NKAIN1: variants seen among roughly 807,000 people sequenced by gnomAD.
NKAIN1 encodes sodium/potassium transporting ATPase interacting 1.
Under a neutral mutation model 31.6 loss-of-function variants are expected in NKAIN1, and 13 were observed. The ratio of observed to expected loss-of-function variants is 0.41; its 90% CI spans 0.27 to 0.65. NKAIN1 has a LOEUF of 0.65. Among genes scored for constraint, NKAIN1 ranks in the 30% least tolerant of loss-of-function variants. The probability of loss-of-function intolerance (pLI) is 0.30; values close to 1 mark genes in which losing one functional copy is unlikely to be tolerated. For synonymous variants in NKAIN1, 104 were observed against 109.0 expected (o/e 0.95, Z 0.28); for missense variants, 193 against 262.2 (o/e 0.74, Z 1.82).
chr1:31,203,992 TGA>T (rs904697005), intron 1 of NKAIN1, among the ~76,000 whole-genome samples: 19 of 152,130 alleles, frequency 1.2e-4, no homozygotes, highest in African/African-American at 4.3e-4. Flanking sequence ...GACCCTGAGC[TGA>T]GGATGACCAA....
chr1:31,239,366 A>T lies in NKAIN1; in HGVS notation c.54+128T>A. ...CCGCCCGACCGCTCCGAGACTCCAGACCACCCCCCGCCCGGGCACACGCAC... is the reference window on the plus strand; with the variant it reads ...CCGCCCGACCGCTCCGAGACTCCAGTCCACCCCCCGCCCGGGCACACGCAC... On this transcript the variant is annotated intron_variant, in intron 1 of 6. Coordinates refer to ENST00000373736, the MANE Select transcript of NKAIN1 (RefSeq NM_024522.3). This position sits in a 1 kb window ranked among gnomAD's most constrained non-coding sequence, Gnocchi z 4.8. 4.9e-6 allele frequency: 3 copies of T among 609,722 alleles called. No individual in the cohort carries two copies. Among genetic ancestry groups the T allele is most frequent in the African/African-American group, 2.0e-5 (1 of 50,954 alleles). The allele number at this position is 609,722 out of a possible 1,614,324, so 37.8% of individuals were successfully genotyped here. A position where few individuals can be genotyped will look rare whatever the true frequency, so the allele number is the denominator to read the frequency against.
intron 1 of NKAIN1, among the ~76,000 whole-genome samples, chr1:31,220,060 T>A (rs1569572862): frequency 7.0e-6 from 1 of 143,572 alleles, no homozygotes; most frequent in African/African-American, 2.6e-5. Flanking sequence ...CAGGCTGGAG[T>A]GCAATGGCGT....
Position 31,201,268 on chromosome 1 carries a change from A to C in NKAIN1, c.55-13081T>G, listed in dbSNP as rs146833049. ...AAACCAAATCTCCCAGAAGATCAGT[A>C]ACCTCTCTCAAGGGGTCTACCTTAG... is the stretch of plus-strand genomic sequence containing the variant. On this transcript the variant is annotated intron_variant, in intron 1 of 6. Coordinates refer to ENST00000373736, the MANE Select transcript of NKAIN1 (RefSeq NM_024522.3). Among the ~76,000 whole-genome samples the C allele has an allele frequency of 4.6e-5, 7 of 152,248 alleles. No individual in the cohort carries two copies. In the East Asian group the frequency reaches 1.4e-3, roughly 29 times the overall value.
rs1553163597 is a variant in NKAIN1, at chr1:31,218,068, C to CT, written c.54+21425dup. The stretch of plus-strand genomic sequence containing the variant: ...TCTTTCTTTCTTTCTTTCTTTCTTT[C>CT]TTTTTTTTTTTTGAGATGGAGTCTC... On this transcript the variant is annotated intron_variant, in intron 1 of 6. Transcript: ENST00000373736. 5.3e-4 allele frequency among the ~76,000 whole-genome samples: 70 copies of CT among 132,986 alleles called. 1 individual carries two copies. The highest frequency in any genetic ancestry group is 9.0e-4 in the African/African-American group (31 of 34,336). The allele number at this position is 132,986 out of a possible 152,430, so 87.2% of individuals were successfully genotyped here. A position where few individuals can be genotyped will look rare whatever the true frequency, so the allele number is the denominator to read the frequency against.
At chr1:31,184,113 A>C in intron 3 of NKAIN1, 99 bp from the exon 4 acceptor site, 2 of 1,057,874 alleles carry the variant, frequency 1.9e-6, no homozygotes, top group South Asian at 1.6e-5. Context: ...GAAGGGATTC[A>C]GGGAGCCTGC....
intron 1 of NKAIN1, among the ~76,000 whole-genome samples, chr1:31,225,033 C>CTTTTCTTTTT (rs542671307): frequency 1.8e-5 from 2 of 112,134 alleles, no homozygotes; most frequent in South Asian, 3.0e-4. Context: ...CTTTTCTTTT[C>CTTTTCTTTTT]TTTTTTTTTT....
At chr1:31,203,081 T>C (rs1025743185) in intron 1 of NKAIN1, among the ~76,000 whole-genome samples, 2 of 150,308 alleles carry the variant, frequency 1.3e-5, no homozygotes, top group Non-Finnish European at 2.9e-5. Flanking sequence ...GAGACCAGCC[T>C]GGCCAACATG....
intron 1 of NKAIN1, among the ~76,000 whole-genome samples, chr1:31,193,074 T>TA (rs1294540302): frequency 2.0e-5 from 3 of 151,216 alleles, no homozygotes; most frequent in East Asian, 4.0e-4. Flanking sequence ...TTTTTTTATT[T>TA]TTTTATTTTT....
chr1:31,216,794 A>G (rs1645517153), intron 1 of NKAIN1, among the ~76,000 whole-genome samples: 1 of 151,954 alleles, frequency 6.6e-6, no homozygotes, highest in Non-Finnish European at 1.5e-5. Flanking sequence ...CCGGGGTTCA[A>G]GTGATTCTCC....
At chr1:31,232,410 T>TGGAGAGAG (rs1557664401) in intron 1 of NKAIN1, among the ~76,000 whole-genome samples, 3 of 33,212 alleles carry the variant, frequency 9.0e-5, no homozygotes, top group African/African-American at 2.6e-4. Flanking sequence ...TATATATATA[T>TGGAGAGAG]ATATATATAT....
At position 31,181,959 on chromosome 1, in the gene NKAIN1, C is replaced by T; in HGVS notation, c.533-18G>A. 1 of 1,599,142 alleles carries T rather than the reference C, an allele frequency of 6.3e-7. No individual in the cohort carries two copies. The highest frequency in any genetic ancestry group is 2.3e-5 in the East Asian group (1 of 44,390). On this transcript the variant is annotated intron_variant, in intron 5 of 6. Coordinates refer to ENST00000373736, the MANE Select transcript of NKAIN1 (RefSeq NM_024522.3). The stretch of plus-strand genomic sequence containing the variant: ...GAAGTCAACTGCGGAAGAGGGGCGG[C>T]GCATGTTAGGGATCGGCGGCGGGGG...
chr1:31,216,742 G>A (rs60073066), intron 1 of NKAIN1, among the ~76,000 whole-genome samples: 77,134 of 136,660 alleles, frequency 0.56, 21,079 homozygotes, highest in East Asian at 0.79. Context: ...TGAGACAGCT[G>A]GAGTCCAGTG....
At chr1:31,186,788 G>A (rs75376972) in intron 2 of NKAIN1, among the ~76,000 whole-genome samples, 5,099 of 152,324 alleles carry the variant, frequency 0.033, 217 homozygotes, top group East Asian at 0.18. Flanking sequence ...TGTCTGGAAG[G>A]AGAGGGCTGG....
intron 1 of NKAIN1, among the ~76,000 whole-genome samples, chr1:31,212,407 T>TTCTTTC (rs1557658059): frequency 1.2e-5 from 1 of 84,946 alleles, no homozygotes; most frequent in African/African-American, 3.0e-5. Context: ...AGTTTCTTTT[T>TTCTTTC]TTTTTTTTTT....
rs752115836 is a variant in NKAIN1, at chr1:31,188,208, G to C, written c.55-21C>G. On this transcript the variant is annotated intron_variant, in intron 1 of 6. Coordinates refer to ENST00000373736, the MANE Select transcript of NKAIN1 (RefSeq NM_024522.3). ...GCCACCTGTGGAAGAGACAGGCTGA[G>C]GCCACTGTCACCCCCCTGAAAGGGA... The C allele has an allele frequency of 2.5e-5, 38 of 1,550,056 alleles. 1 individual carries two copies. The South Asian group carries it at 4.5e-4, about 18-fold the overall frequency.
At chr1:31,218,066 TTC>T (rs1217853665) in intron 1 of NKAIN1, among the ~76,000 whole-genome samples, 1 of 144,782 alleles carries the variant, frequency 6.9e-6, no homozygotes, top group East Asian at 2.1e-4. Context: ...CTTTCTTTCT[TTC>T]TTTTTTTTTT....
At chr1:31,204,290 T>C (rs1645406799) in intron 1 of NKAIN1, among the ~76,000 whole-genome samples, 1 of 152,084 alleles carries the variant, frequency 6.6e-6, no homozygotes. Flanking sequence ...TGCAGTGCTG[T>C]CTGGCTACAG....
At position 31,182,579 on chromosome 1, in the gene NKAIN1, G is replaced by A. The variant is rs944551795; in HGVS notation, c.483C>T (p.Phe161=). ...CTTTGCTCACGTAGCAGGCGAACAC[G>A]AAGCCGAACAGCTGGGAGTGGAGAT... is the stretch of plus-strand genomic sequence containing the variant. The part of the protein sequence containing the change: ...ALQIFLALFG[F]VFACYVSKVF... The change falls in exon 5 of 7, where the codon TTC becomes TTT. Residue 161 remains phenylalanine (F), a synonymous_variant. Coordinates refer to ENST00000373736, the MANE Select transcript of NKAIN1 (RefSeq NM_024522.3). 1.9e-6 allele frequency: 3 copies of A among 1,614,016 alleles called. No individual in the cohort carries two copies. The highest frequency in any genetic ancestry group is 2.7e-5 in the African/African-American group (2 of 74,938).
intron 5 of NKAIN1, 139 bp downstream of exon 5, chr1:31,182,391 T>C (rs1645209633): frequency 1.1e-6 from 1 of 898,122 alleles, no homozygotes; most frequent in Non-Finnish European, 1.8e-6. Context: ...GAGCCTTCCA[T>C]ACCAGCCGCC....
Sources: gnomAD v4.1 joint callset for allele counts (sites outside exome capture counted in the v4.1 genomes callset) on GRCh38, gnomAD v4.1.1 for gene constraint, Gnocchi (gnomAD v3.1) non-coding constraint, MANE v1.5 for transcripts, NCBI Gene and HGNC (gene_info 2026-07-23, HGNC 2026-07-21) for gene names.